Variants in PLEKHA7 observed in about 807,000 individuals in gnomAD.
PLEKHA7 encodes pleckstrin homology domain-containing family A member 7.
In PLEKHA7, 104 loss-of-function variants were observed where a neutral mutation model predicts 170.0. The observed-to-expected ratio is 0.61, with a 90% CI of 0.52 to 0.72. PLEKHA7 has a LOEUF of 0.72. PLEKHA7 is among the 30% of genes least tolerant of loss of function. The probability of loss-of-function intolerance (pLI) is 0.00; values close to 1 mark genes in which losing one functional copy is unlikely to be tolerated. For synonymous variants in PLEKHA7, 648 were observed against 660.8 expected, an observed-to-expected ratio of 0.98 and a Z score of 0.30; for missense variants, 1,615 against 1,671.7, an observed-to-expected ratio of 0.97 and a Z score of 0.59.
intron 3 of PLEKHA7, among the ~76,000 whole-genome samples, chr11:16,964,450 A>G (rs1862248857): frequency 6.6e-6 from 1 of 152,186 alleles, no homozygotes; most frequent in Non-Finnish European, 1.5e-5. Context: ...CAAGAGTTCC[A>G]ATTTCTCCAC....
At chr11:16,810,112 T>C (rs1849263672) in intron 13 of PLEKHA7, among the ~76,000 whole-genome samples, 1 of 152,238 alleles carries the variant, frequency 6.6e-6, no homozygotes, top group Non-Finnish European at 1.5e-5. Context: ...AGTGACAATG[T>C]GGCTGAGCCC....
chr11:16,922,181 T>TGAC (rs1859145861), intron 3 of PLEKHA7, among the ~76,000 whole-genome samples: 5 of 151,792 alleles, frequency 3.3e-5, no homozygotes, highest in Admixed American at 2.6e-4. Flanking sequence ...AATACATTCT[T>TGAC]ATTTTCTACA....
chr11:16,812,072 C>T (rs1334276407), intron 13 of PLEKHA7, among the ~76,000 whole-genome samples: 1 of 152,198 alleles, frequency 6.6e-6, no homozygotes, highest in Non-Finnish European at 1.5e-5. Flanking sequence ...ATTTCTTTCA[C>T]CAACCCAAGA....
In PLEKHA7 at chr11:16,791,494, G is replaced by A; in HGVS notation, c.2746-295C>T. On this transcript the variant is annotated intron_variant, in intron 19 of 26. Transcript: ENST00000531066. The surrounding 1 kb of genome is among the most constrained non-coding windows in gnomAD (Gnocchi z 4.5). ...CTCCTGGGTCCATGCCCTCGGTGCT[G>A]TGCTGAACTGCTCCCTCCGCTCATC... is the stretch of plus-strand genomic sequence containing the variant. The A allele has an allele frequency of 1.7e-6, 1 of 586,376 alleles. No individual in the cohort carries two copies. 36.3% of individuals were successfully genotyped at this position (586,376 alleles called of 1,614,324 possible). A position where few individuals can be genotyped will look rare whatever the true frequency, so the allele number is the denominator to read the frequency against.
At chr11:16,841,000 G>A (rs1251153438) in intron 9 of PLEKHA7, among the ~76,000 whole-genome samples, 1 of 152,144 alleles carries the variant, frequency 6.6e-6, no homozygotes, top group East Asian at 1.9e-4. Flanking sequence ...CCCAATGTGA[G>A]ATGAAGGCCA....
chr11:16,786,527 A>C (rs1849407371), intron 23 of PLEKHA7, 140 bp from the exon 24 acceptor site: 1 of 1,465,302 alleles, frequency 6.8e-7, no homozygotes, highest in Non-Finnish European at 9.0e-7. Context: ...ATAGAGAATG[A>C]AGCTGCTGTC....
chr11:16,980,690 A>C (rs755716229), intron 3 of PLEKHA7, among the ~76,000 whole-genome samples: 3 of 152,150 alleles, frequency 2.0e-5, no homozygotes, highest in Admixed American at 6.5e-5. Context: ...TGGGAGGCCA[A>C]AGTGGATGGA....
intron 3 of PLEKHA7, among the ~76,000 whole-genome samples, chr11:16,956,533 C>A (rs1205379939): frequency 6.6e-6 from 1 of 152,228 alleles, no homozygotes; most frequent in African/African-American, 2.4e-5. Context: ...GCTCTCTCTA[C>A]TGATTAACAG....
intron 13 of PLEKHA7, among the ~76,000 whole-genome samples, chr11:16,805,020 A>T (rs1848857181): frequency 6.6e-6 from 1 of 152,224 alleles, no homozygotes; most frequent in Non-Finnish European, 1.5e-5. Flanking sequence ...AGCAGGTGAA[A>T]GCAGTGAAGT....
chr11:16,910,153 C>T (rs1858145659), intron 3 of PLEKHA7, among the ~76,000 whole-genome samples: 1 of 152,192 alleles, frequency 6.6e-6, no homozygotes, highest in East Asian at 1.9e-4. Context: ...TGAATTTTAT[C>T]AGCACCAATT....
intron 3 of PLEKHA7, among the ~76,000 whole-genome samples, chr11:16,954,707 T>TC (rs1047336530): frequency 6.6e-6 from 1 of 151,916 alleles, no homozygotes; most frequent in Non-Finnish European, 1.5e-5. Context: ...TTTTTTTTTT[T>TC]TGAGACAGAG....
intron 8 of PLEKHA7, among the ~76,000 whole-genome samples, chr11:16,847,716 C>T (rs971143284): frequency 2.6e-5 from 4 of 151,968 alleles, no homozygotes; most frequent in Admixed American, 2.6e-4. Context: ...GTGGCAGGTG[C>T]CTGTAATCCC....
intron 3 of PLEKHA7, among the ~76,000 whole-genome samples, chr11:16,985,673 A>G (rs2353369): frequency 0.4 from 60,166 of 152,142 alleles, 12,458 homozygotes; most frequent in East Asian, 0.57. Flanking sequence ...CTTGTTACTT[A>G]ATACTGTGCT....
At chr11:16,807,524 C>A (rs1374294476) in intron 13 of PLEKHA7, among the ~76,000 whole-genome samples, 1 of 152,110 alleles carries the variant, frequency 6.6e-6, no homozygotes, top group Non-Finnish European at 1.5e-5. Context: ...TTTCAGTGTT[C>A]ATTTCCTTCC....
intron 3 of PLEKHA7, among the ~76,000 whole-genome samples, chr11:16,923,450 A>C (rs1859250653): frequency 6.6e-6 from 1 of 152,114 alleles, no homozygotes; most frequent in Non-Finnish European, 1.5e-5. Flanking sequence ...ATTCCCCAAC[A>C]AACCAGGGTT....
At chr11:16,787,074 A>G in intron 23 of PLEKHA7, 1 of 985,448 alleles carries the variant, frequency 1.0e-6, no homozygotes, top group Non-Finnish European at 1.2e-6. Flanking sequence ...CACAGTATCA[A>G]CTTTGTAACA....
chr11:16,872,549 C>T (rs1338682941), intron 3 of PLEKHA7, among the ~76,000 whole-genome samples: 1 of 151,940 alleles, frequency 6.6e-6, no homozygotes, highest in Admixed American at 6.6e-5. Context: ...TGACCGGGTC[C>T]CGCTCTGTTG....
chr11:16,857,483 C>T (rs1001101974), intron 4 of PLEKHA7, among the ~76,000 whole-genome samples: 2 of 152,344 alleles, frequency 1.3e-5, no homozygotes, highest in African/African-American at 2.4e-5. Context: ...GCAAGATAAC[C>T]GCTGATCAGG....
At chr11:16,947,219 A>C (rs1861083022) in intron 3 of PLEKHA7, among the ~76,000 whole-genome samples, 1 of 152,228 alleles carries the variant, frequency 6.6e-6, no homozygotes, top group Non-Finnish European at 1.5e-5. Context: ...TGTGGAGAAA[A>C]GGGAACCTTG....
Sources: allele counts gnomAD v4.1 joint callset (sites outside exome capture counted in the v4.1 genomes callset), GRCh38; gene constraint gnomAD v4.1.1; non-coding constraint Gnocchi (gnomAD v3.1); transcripts MANE v1.5; gene names NCBI Gene and HGNC (gene_info 2026-07-23, HGNC 2026-07-21).